Variants in FANCI observed in about 807,000 individuals in gnomAD.
The protein encoded by FANCI is FA complementation group I.
In FANCI, 156 loss-of-function variants were observed where a neutral mutation model predicts 176.1. The observed-to-expected ratio is 0.89, with a 90% CI of 0.78 to 1.01. The LOEUF (loss-of-function observed/expected upper bound fraction) is 1.01, where lower values mean the gene tolerates loss of function less well. Among genes scored for constraint, FANCI ranks in the 50% least tolerant of loss-of-function variants. The probability of loss-of-function intolerance (pLI) is 0.00; values close to 1 mark genes in which losing one functional copy is unlikely to be tolerated. For missense variants in FANCI, 1,678 were observed against 1,534.1 expected (o/e 1.09, Z -1.57); for synonymous variants, 613 against 541.7 (o/e 1.13, Z -1.83).
chr15:89,263,878 A>G, intron 7 of FANCI, 25 bp from the exon 8 acceptor site: 1 of 1,613,976 alleles, frequency 6.2e-7, no homozygotes, highest in South Asian at 1.1e-5. Context: ...CACTGTCTAT[A>G]GCCTTTAGAA....
chr15:89,291,138 T>A (rs982812180), intron 19 of FANCI, among the ~76,000 whole-genome samples: 3 of 152,224 alleles, frequency 2.0e-5, no homozygotes, highest in African/African-American at 7.2e-5. Flanking sequence ...TCATATTTTT[T>A]TTGGCTGTCT....
intron 10 of FANCI, among the ~76,000 whole-genome samples, chr15:89,268,889 A>G (rs2053087103): frequency 2.0e-5 from 3 of 152,300 alleles, no homozygotes; most frequent in Middle Eastern, 6.8e-3. Context: ...ACCTTCAGCT[A>G]TGGCCTCTGC....
intron 24 of FANCI, among the ~76,000 whole-genome samples, chr15:89,295,935 A>C (rs1180666837): frequency 2.0e-4 from 30 of 151,800 alleles, no homozygotes; most frequent in Admixed American, 2.0e-3. Flanking sequence ...CACCATGCCC[A>C]ACTACTTTTT....
intron 35 of FANCI, 37 bp from the exon 36 acceptor site, chr15:89,314,575 G>T (rs779161707): frequency 1.3e-6 from 2 of 1,506,496 alleles, no homozygotes; most frequent in East Asian, 2.3e-5. Flanking sequence ...AAAAACCATT[G>T]AACCTGAAAT....
intron 24 of FANCI, among the ~76,000 whole-genome samples, chr15:89,295,366 G>GAAAAAAA (rs373941070): frequency 1.0e-5 from 1 of 96,306 alleles, no homozygotes. Flanking sequence ...ACTCTCAAAA[G>GAAAAAAA]AAAAAAAAAA....
rs749604758 is a variant in FANCI, at chr15:89,299,815, A to G, written c.2652A>G (p.Arg884=). The change falls in exon 25 of 38, where the codon AGA becomes AGG. Residue 884 remains arginine (R), a synonymous_variant. Transcript: ENST00000310775. ...LCDITRVLLW[R]YTSIPTSVEE... Reference sequence around the variant, plus strand: ...CCTGCTTCAGAGTCTTGCTATGGAGATACACTTCAATTCCTACTTCAGTGG... The same window carrying G: ...CCTGCTTCAGAGTCTTGCTATGGAGGTACACTTCAATTCCTACTTCAGTGG... The G allele has an allele frequency of 2.5e-6, 4 of 1,613,746 alleles. No homozygotes were observed. The highest frequency in any genetic ancestry group is 3.3e-5 in the Admixed American group (2 of 60,012).
Position 89,273,393 on chromosome 15 carries a change from A to T in FANCI, c.899A>T (p.Asp300Val). Residue 300 changes from aspartate (D) to valine (V), a missense_variant, in exon 11 of 38, where the codon GAT becomes GTT. Coordinates refer to ENST00000310775, the MANE Select transcript of FANCI (RefSeq NM_001113378.2). ...CTCTTCTAGGTAGGACAGCAAGGAG[A>T]TTCCAATAATAACTTAAGTCCCTTC... ...VKHLKVGQQG[D>V]SNNNLSPFSI... The T allele has an allele frequency of 6.3e-7, 1 of 1,599,876 alleles. No individual in the cohort carries two copies. The highest frequency in any genetic ancestry group is 1.1e-5 in the South Asian group (1 of 90,342).
intron 12 of FANCI, among the ~76,000 whole-genome samples, chr15:89,276,340 G>C (rs922320061): frequency 3.9e-5 from 6 of 152,326 alleles, no homozygotes; most frequent in African/African-American, 1.4e-4. Context: ...GAGAATCTCT[G>C]TCTTTGGAGG....
intron 34 of FANCI, among the ~76,000 whole-genome samples, chr15:89,311,398 G>A (rs562913379): frequency 4.5e-4 from 68 of 152,276 alleles, no homozygotes; most frequent in South Asian, 2.1e-3. Context: ...CAGCCTGGGC[G>A]ACAGAGTGAA....
intron 1 of FANCI, among the ~76,000 whole-genome samples, chr15:89,245,462 G>C (rs2051923386): frequency 1.4e-5 from 2 of 147,684 alleles, no homozygotes; most frequent in South Asian, 4.2e-4. Context: ...CTCCCAAAGT[G>C]CTGAGATTAC....
intron 34 of FANCI, among the ~76,000 whole-genome samples, chr15:89,309,372 G>A (rs2054861839): frequency 6.6e-6 from 1 of 151,722 alleles, no homozygotes; most frequent in Non-Finnish European, 1.5e-5. Flanking sequence ...GACTGAGACA[G>A]TCCTCAAAAA....
intron 9 of FANCI, among the ~76,000 whole-genome samples, chr15:89,265,238 A>G (rs2052890236): frequency 6.6e-6 from 1 of 152,126 alleles, no homozygotes; most frequent in South Asian, 2.1e-4. Context: ...GACAGAGTGT[A>G]GCTCTGTGGC....
chr15:89,270,436 G>A (rs1431613358), intron 10 of FANCI, among the ~76,000 whole-genome samples: 1 of 151,978 alleles, frequency 6.6e-6, no homozygotes, highest in Admixed American at 6.6e-5. Context: ...TTCACAGAAG[G>A]TTTTCGTTTT....
intron 10 of FANCI, among the ~76,000 whole-genome samples, chr15:89,272,023 C>T (rs1430581214): frequency 2.0e-5 from 3 of 152,154 alleles, no homozygotes; most frequent in Non-Finnish European, 4.4e-5. Context: ...TTTTAAGAAA[C>T]TGCCTGTTTT....
chr15:89,307,067 A>C (rs570499825), intron 32 of FANCI, among the ~76,000 whole-genome samples: 2 of 152,366 alleles, frequency 1.3e-5, no homozygotes, highest in South Asian at 2.1e-4. Context: ...AGATAATCCA[A>C]GAAAGATGTG....
chr15:89,296,053 G>A (rs576191993), intron 24 of FANCI, among the ~76,000 whole-genome samples: 447 of 151,968 alleles, frequency 2.9e-3, no homozygotes, highest in African/African-American at 0.01. Flanking sequence ...CTGCAACCTC[G>A]GCCTCCCCGG....
At position 89,278,833 on chromosome 15, in the gene FANCI, A is replaced by G. The variant is rs1379139091; in HGVS notation, c.1381+59A>G. The G allele has an allele frequency of 1.9e-5, 27 of 1,444,390 alleles. No homozygotes were observed. In the Admixed American group the frequency reaches 2.9e-4, roughly 15 times the overall value. 89.5% of individuals were successfully genotyped at this position (1,444,390 alleles called of 1,614,324 possible). A position where few individuals can be genotyped will look rare whatever the true frequency, so the allele number is the denominator to read the frequency against. On this transcript the variant is annotated intron_variant, in intron 14 of 37. Coordinates refer to ENST00000310775, the MANE Select transcript of FANCI (RefSeq NM_001113378.2). ...AGAAATATTTTCATTTCAATGTCAT[A>G]ATCATTTGGTCCTGGGAAAAAAATT...
chr15:89,286,333 A>T (rs2053816357), intron 18 of FANCI, among the ~76,000 whole-genome samples: 1 of 152,154 alleles, frequency 6.6e-6, no homozygotes, highest in Non-Finnish European at 1.5e-5. Flanking sequence ...TTCTTTTTGC[A>T]CTGGGTTTTC....
At chr15:89,285,443 C>T (rs1355685852) in intron 18 of FANCI, among the ~76,000 whole-genome samples, 4 of 152,124 alleles carry the variant, frequency 2.6e-5, no homozygotes, top group African/African-American at 9.7e-5. Context: ...TCAAGCAAGA[C>T]TCTGTCTTTA....
Sources: gnomAD v4.1 joint callset for allele counts (sites outside exome capture counted in the v4.1 genomes callset) on GRCh38, gnomAD v4.1.1 for gene constraint, MANE v1.5 for transcripts, NCBI Gene and HGNC (gene_info 2026-07-23, HGNC 2026-07-21) for gene names.